Variants in MARCHF1 observed in about 807,000 individuals in gnomAD.
MARCHF1 encodes E3 ubiquitin-protein ligase MARCHF1.
A neutral mutation model predicts 54.2 loss-of-function variants in MARCHF1; 40 were observed. That is an observed-to-expected ratio of 0.74 (90% CI 0.57 to 0.96). MARCHF1 has a LOEUF of 0.96. MARCHF1 is among the 40% of genes least tolerant of loss of function. The pLI is 0.00. For missense variants in MARCHF1, 586 were observed against 656.5 expected (o/e 0.89, Z 1.17); for synonymous variants, 236 against 236.3 (o/e 1.00, Z 0.01).
intron 5 of MARCHF1, among the ~76,000 whole-genome samples, chr4:163,667,940 T>G (rs897964930): frequency 1.3e-5 from 2 of 152,170 alleles, no homozygotes; most frequent in African/African-American, 4.8e-5. Flanking sequence ...AAACTTAAAT[T>G]TAATAAAAAG....
chr4:164,017,147 A>G (rs1753560706), intron 2 of MARCHF1, among the ~76,000 whole-genome samples: 1 of 152,056 alleles, frequency 6.6e-6, no homozygotes, highest in African/African-American at 2.4e-5. Context: ...CTTAAAAAAA[A>G]GGAGTAAAGA....
At chr4:164,172,941 A>T (rs1730567489) in intron 1 of MARCHF1, among the ~76,000 whole-genome samples, 1 of 147,184 alleles carries the variant, frequency 6.8e-6, no homozygotes, top group Non-Finnish European at 1.5e-5. Context: ...AGATCACGCC[A>T]CTGCACTCCA....
intron 1 of MARCHF1, among the ~76,000 whole-genome samples, chr4:164,228,687 G>T (rs1732326081): frequency 6.6e-6 from 1 of 152,160 alleles, no homozygotes; most frequent in Non-Finnish European, 1.5e-5. Flanking sequence ...TTAAATTGAA[G>T]GGTGGTACAT....
At chr4:164,241,390 C>A (rs990182932) in intron 1 of MARCHF1, among the ~76,000 whole-genome samples, 2 of 152,104 alleles carry the variant, frequency 1.3e-5, no homozygotes, top group Non-Finnish European at 2.9e-5. Flanking sequence ...GCTCCTTTGG[C>A]CCAGCGATCA....
At chr4:163,609,392 C>A (rs548862842) in intron 7 of MARCHF1, among the ~76,000 whole-genome samples, 1 of 152,150 alleles carries the variant, frequency 6.6e-6, no homozygotes, top group Non-Finnish European at 1.5e-5. Context: ...GTCTTAGGCT[C>A]TCACCAAATC....
intron 1 of MARCHF1, among the ~76,000 whole-genome samples, chr4:164,282,640 T>A (rs1734053831): frequency 2.0e-5 from 3 of 151,214 alleles, no homozygotes; most frequent in African/African-American, 4.9e-5. Context: ...TTGGCCAGAA[T>A]GCTTTTTGTT....
intron 1 of MARCHF1, among the ~76,000 whole-genome samples, chr4:164,326,398 A>G (rs187042748): frequency 9.2e-5 from 14 of 152,334 alleles, no homozygotes; most frequent in Admixed American, 7.8e-4. Flanking sequence ...TTGTTATATC[A>G]AAGATATTCT....
In MARCHF1 at chr4:163,612,375, T is replaced by A. The variant is rs1229732488; in HGVS notation, c.906A>T (p.Pro302=). Reference sequence around the variant, plus strand: ...CATCATTCATGTCCTTGCTGCCTTCTGGAACTCCCAGTATTTCAGTGCTGG... The same window carrying A: ...CATCATTCATGTCCTTGCTGCCTTCAGGAACTCCCAGTATTTCAGTGCTGG... The part of the protein sequence containing the change: ...TDSSTEILGV[P]EGSKDMNDAG... Residue 302 remains proline, a synonymous_variant, in exon 7 of 10, where the codon CCA becomes CCT. Transcript: ENST00000514618. 3.9e-6 allele frequency: 6 copies of A among 1,535,322 alleles called. No homozygotes were observed. The East Asian group carries it at 1.5e-4, about 38-fold the overall frequency.
chr4:164,270,593 G>T (rs991038689), intron 1 of MARCHF1, among the ~76,000 whole-genome samples: 5 of 152,114 alleles, frequency 3.3e-5, no homozygotes, highest in Admixed American at 6.5e-5. Flanking sequence ...ATTCAAGCTT[G>T]TTTCAATAGT....
Position 164,044,450 on chromosome 4 carries a change from A to T in MARCHF1, c.-247-55741T>A, listed in dbSNP as rs182452002. 5.9e-5 allele frequency among the ~76,000 whole-genome samples: 9 copies of T among 152,260 alleles called. No individual in the cohort carries two copies. The East Asian group carries it at 1.7e-3, about 29-fold the overall frequency. On this transcript the variant is annotated intron_variant, in intron 2 of 9. Coordinates refer to ENST00000514618, the MANE Select transcript of MARCHF1 (RefSeq NM_001394959.1). ...AAACAACCATATCTTGTGAGAACTC[A>T]CCCACTATCATGAGATCAAGGGGGA...
intron 4 of MARCHF1, among the ~76,000 whole-genome samples, chr4:163,848,202 T>C (rs1486515927): frequency 6.6e-6 from 1 of 152,208 alleles, no homozygotes; most frequent in Non-Finnish European, 1.5e-5. Context: ...GTTTCTTATC[T>C]AGTTTCTCCT....
chr4:163,975,199 C>G (rs1190298779), intron 3 of MARCHF1, among the ~76,000 whole-genome samples: 1 of 124,694 alleles, frequency 8.0e-6, no homozygotes, highest in Non-Finnish European at 1.6e-5. Flanking sequence ...CTCTCTCTCA[C>G]ACACACACAC....
rs17580423 is a variant in MARCHF1 at position 164,321,065 on chromosome 4, G to A, written c.-323+62805C>T. 6.2e-3 allele frequency among the ~76,000 whole-genome samples: 937 copies of A among 152,292 alleles called. 8 individuals carry two copies. The highest frequency in any genetic ancestry group is 0.024 in the Middle Eastern group (7 of 294). On this transcript the variant is annotated intron_variant, in intron 1 of 9. Transcript: ENST00000514618. ...CATGTGACACAACGGCCACTAGGGC[G>A]ACAGGCTACTCCAACAGCGAGGATT...
At chr4:164,131,778 C>T (rs565787603) in intron 1 of MARCHF1, among the ~76,000 whole-genome samples, 11 of 152,088 alleles carry the variant, frequency 7.2e-5, no homozygotes, top group South Asian at 2.1e-4. Context: ...ATTAGTTTAA[C>T]GCCTGAGAAG....
At chr4:164,195,840 A>G (rs983950320) in intron 1 of MARCHF1, among the ~76,000 whole-genome samples, 1 of 152,106 alleles carries the variant, frequency 6.6e-6, no homozygotes, top group African/African-American at 2.4e-5. Flanking sequence ...CTGAAATTCT[A>G]TATGCTTTTA....
At chr4:163,575,702 T>A (rs74881334) in intron 8 of MARCHF1, among the ~76,000 whole-genome samples, 2 of 151,818 alleles carry the variant, frequency 1.3e-5, no homozygotes, top group African/African-American at 2.4e-5. Context: ...TTTTTTTTTT[T>A]ATTACTGATT....
At chr4:163,899,019 A>G (rs1750878993) in intron 3 of MARCHF1, among the ~76,000 whole-genome samples, 1 of 152,162 alleles carries the variant, frequency 6.6e-6, no homozygotes, top group African/African-American at 2.4e-5. Flanking sequence ...GAAATAATAG[A>G]CACTAGGAAC....
chr4:163,923,325 G>A (rs1249137368), intron 3 of MARCHF1, among the ~76,000 whole-genome samples: 1 of 152,034 alleles, frequency 6.6e-6, no homozygotes, highest in Non-Finnish European at 1.5e-5. Flanking sequence ...TTCTGAAGAT[G>A]AGTATCACCA....
At chr4:163,696,664 A>G (rs1296162266) in intron 5 of MARCHF1, among the ~76,000 whole-genome samples, 4 of 152,178 alleles carry the variant, frequency 2.6e-5, no homozygotes, top group East Asian at 1.9e-4. Flanking sequence ...AGTATTTTAT[A>G]TAACTTCTTC....
Sources: gnomAD v4.1 joint callset for allele counts (sites outside exome capture counted in the v4.1 genomes callset) on GRCh38, gnomAD v4.1.1 for gene constraint, MANE v1.5 for transcripts, NCBI Gene and HGNC (gene_info 2026-07-23, HGNC 2026-07-21) for gene names.